FSTL4: variants seen among roughly 807,000 people sequenced by gnomAD.
FSTL4 encodes the protein follistatin-related protein 4.
Under a neutral mutation model 78.2 loss-of-function variants are expected in FSTL4, and 28 were observed. The ratio of observed to expected loss-of-function variants is 0.36; its 90% CI spans 0.27 to 0.49. FSTL4 has a LOEUF of 0.49. Ranked by LOEUF, FSTL4 falls within the 20% of genes least tolerant of loss-of-function variation. The pLI, the probability that FSTL4 is intolerant of heterozygous loss-of-function variation, is 0.98. For missense variants in FSTL4, 922 were observed against 1,084.9 expected (o/e 0.85, Z 2.11); for synonymous variants, 422 against 440.5 (o/e 0.96, Z 0.53).
At chr5:133,817,197 A>G in the FSTL4 span, among the ~76,000 whole-genome samples, 28 of 152,222 alleles carry the variant, frequency 1.8e-4, no homozygotes, top group Non-Finnish European at 1.9e-4. Flanking sequence ...AGCTGAGTCT[A>G]TTATCGTCCC....
chr5:133,354,277 G>A (rs553463211), intron 4 of FSTL4, among the ~76,000 whole-genome samples: 1 of 152,322 alleles, frequency 6.6e-6, no homozygotes, highest in African/African-American at 2.4e-5. Flanking sequence ...AATGACACAC[G>A]CATGAGCCAG....
the FSTL4 span, among the ~76,000 whole-genome samples, chr5:133,742,647 G>C: frequency 6.6e-6 from 1 of 152,164 alleles, no homozygotes; most frequent in Non-Finnish European, 1.5e-5. Context: ...AGGAGACAGA[G>C]AGGTGGAAAG....
In FSTL4 at chr5:133,513,484, C is replaced by T. The variant is rs145695093; in HGVS notation, c.160+53702G>A. Among the ~76,000 whole-genome samples, 4 of 152,292 alleles carry T rather than the reference C, an allele frequency of 2.6e-5. No individual in the cohort carries two copies. In the East Asian group the frequency reaches 7.7e-4, roughly 29 times the overall value. On this transcript the variant is annotated intron_variant, in intron 3 of 15. Transcript: ENST00000265342. Reference sequence around the variant, plus strand: ...AACTGCAGTGTGTCCTGTGCCCATCCATGTGTTCAGCAGGGCAGAGCAGCA... The same window carrying T: ...AACTGCAGTGTGTCCTGTGCCCATCTATGTGTTCAGCAGGGCAGAGCAGCA...
chr5:133,573,626 T>C (rs1304786814), intron 2 of FSTL4, among the ~76,000 whole-genome samples: 1 of 152,202 alleles, frequency 6.6e-6, no homozygotes, highest in Non-Finnish European at 1.5e-5. Context: ...CAATAATGGT[T>C]GGAAAATTTA....
At chr5:133,662,904 G>A in the FSTL4 span, among the ~76,000 whole-genome samples, 6 of 151,956 alleles carry the variant, frequency 3.9e-5, no homozygotes, top group Non-Finnish European at 8.8e-5. Context: ...AAAATTTAAC[G>A]CCATCCAATA....
intron 6 of FSTL4, among the ~76,000 whole-genome samples, chr5:133,282,369 C>T (rs1581591057): frequency 6.6e-6 from 1 of 152,162 alleles, no homozygotes; most frequent in African/African-American, 2.4e-5. Context: ...CTTGCATGTT[C>T]CAGGGTAGGA....
At chr5:133,719,426 T>C in the FSTL4 span, among the ~76,000 whole-genome samples, 1 of 152,066 alleles carries the variant, frequency 6.6e-6, no homozygotes, top group South Asian at 2.1e-4. Flanking sequence ...TCCCAGCACT[T>C]TGGGAGGCCA....
intron 11 of FSTL4, among the ~76,000 whole-genome samples, chr5:133,221,913 T>TGTTTTTTTG (rs1561626837): frequency 2.0e-5 from 2 of 97,806 alleles, no homozygotes; most frequent in East Asian, 3.2e-4. Context: ...TTTTTTTTTT[T>TGTTTTTTTG]TTTTTTTTTT....
At chr5:133,831,722 A>T in the FSTL4 span, among the ~76,000 whole-genome samples, 1 of 152,240 alleles carries the variant, frequency 6.6e-6, no homozygotes, top group Non-Finnish European at 1.5e-5. Flanking sequence ...ATTATGAAGA[A>T]GTGTGGTTTG....
intron 2 of FSTL4, among the ~76,000 whole-genome samples, chr5:133,591,750 T>C (rs1436310039): frequency 2.0e-5 from 3 of 152,006 alleles, no homozygotes; most frequent in African/African-American, 4.8e-5. Flanking sequence ...AAGACCAGTC[T>C]CTGGAGAGAA....
chr5:133,269,515 C>T (rs137909815), intron 6 of FSTL4, among the ~76,000 whole-genome samples: 3 of 152,212 alleles, frequency 2.0e-5, no homozygotes, highest in South Asian at 2.1e-4. Flanking sequence ...GAAAGAAAAC[C>T]GAGGAACATC....
At chr5:133,766,203 A>G in the FSTL4 span, among the ~76,000 whole-genome samples, 34 of 152,302 alleles carry the variant, frequency 2.2e-4, no homozygotes, top group African/African-American at 7.9e-4. Context: ...GTACTGCCTA[A>G]GAATGGTTTT....
At chr5:133,410,621 G>C (rs1234433733) in intron 3 of FSTL4, among the ~76,000 whole-genome samples, 1 of 152,172 alleles carries the variant, frequency 6.6e-6, no homozygotes, top group Non-Finnish European at 1.5e-5. Context: ...CCCTTTACCT[G>C]CCATACAAGG....
At chr5:133,349,883 G>C (rs531891448) in intron 4 of FSTL4, among the ~76,000 whole-genome samples, 32 of 148,410 alleles carry the variant, frequency 2.2e-4, no homozygotes, top group African/African-American at 7.5e-4. Context: ...CCATGTGACT[G>C]TAAAGGTCCC....
the FSTL4 span, among the ~76,000 whole-genome samples, chr5:133,654,289 C>T: frequency 6.6e-5 from 10 of 152,178 alleles, no homozygotes; most frequent in Middle Eastern, 3.2e-3. Context: ...TTTAGTTAAT[C>T]CTCCCCACAG....
the FSTL4 span, among the ~76,000 whole-genome samples, chr5:133,618,498 A>G: frequency 6.6e-6 from 1 of 152,220 alleles, no homozygotes; most frequent in East Asian, 1.9e-4. Flanking sequence ...AAAGCAGGAA[A>G]GACCAGATGC....
At chr5:133,317,053 C>T (rs1753922529) in intron 4 of FSTL4, among the ~76,000 whole-genome samples, 1 of 152,104 alleles carries the variant, frequency 6.6e-6, no homozygotes, top group Admixed American at 6.6e-5. Flanking sequence ...TGCCTTAATC[C>T]TACCTTAAAG....
chr5:133,249,188 TCTC>T (rs1234758384), intron 7 of FSTL4, among the ~76,000 whole-genome samples: 1 of 152,184 alleles, frequency 6.6e-6, no homozygotes, highest in Non-Finnish European at 1.5e-5. Context: ...GCATCTCTCT[TCTC>T]TTCCTTAGCC....
chr5:133,459,388 CA>C (rs1242797857), intron 3 of FSTL4, among the ~76,000 whole-genome samples: 1 of 151,866 alleles, frequency 6.6e-6, no homozygotes, highest in Non-Finnish European at 1.5e-5. Flanking sequence ...AATAGCATAC[CA>C]AGAGTCACTC....
Sources: gnomAD v4.1 joint callset for allele counts (sites outside exome capture counted in the v4.1 genomes callset) on GRCh38, gnomAD v4.1.1 for gene constraint, MANE v1.5 for transcripts, NCBI Gene and HGNC (gene_info 2026-07-23, HGNC 2026-07-21) for gene names.